The following GPR55 variants were observed in gnomAD, a reference collection of about 807,000 sequenced individuals.
GPR55 encodes the protein G protein-coupled receptor 55, also known as G-protein coupled receptor 55.
A neutral mutation model predicts 7.9 loss-of-function variants in GPR55; 6 were observed. That is an observed-to-expected ratio of 0.76 (90% CI 0.41 to 1.49). The LOEUF (loss-of-function observed/expected upper bound fraction) is 1.49, where lower values mean the gene tolerates loss of function less well. GPR55 is among the 40% of genes most tolerant of loss of function. The probability of loss-of-function intolerance (pLI) is 0.01; values close to 1 mark genes in which losing one functional copy is unlikely to be tolerated. For missense variants in GPR55, 376 were observed against 406.0 expected (o/e 0.93, Z 0.63); for synonymous variants, 183 against 166.8 (o/e 1.10, Z -0.75).
chr2:230,912,074 C>T lies in GPR55; in HGVS notation c.-134-978G>A, dbSNP rs567641738. Reference sequence around the variant, plus strand: ...CCTCTGCCCACCTCCCTGCTCCCTCCTTTCTCACCCACTCTTCCCTCTCCC... The same window carrying T: ...CCTCTGCCCACCTCCCTGCTCCCTCTTTTCTCACCCACTCTTCCCTCTCCC... On this transcript the variant is annotated intron_variant, in intron 1 of 1. Transcript: ENST00000650999. 3.9e-5 allele frequency among the ~76,000 whole-genome samples: 6 copies of T among 152,296 alleles called. No individual in the cohort carries two copies. The South Asian group carries it at 8.3e-4, about 21-fold the overall frequency.
chr2:230,916,527 GAAAA>G (rs59873953), intron 1 of GPR55, among the ~76,000 whole-genome samples: 1 of 136,484 alleles, frequency 7.3e-6, no homozygotes, highest in Non-Finnish European at 1.6e-5. Context: ...CTCTCTCTAA[GAAAA>G]AAAAAAAAGA....
intron 1 of GPR55, among the ~76,000 whole-genome samples, chr2:230,949,153 T>TTTGTTTG (rs371658183): frequency 2.0e-5 from 3 of 151,350 alleles, no homozygotes; most frequent in Non-Finnish European, 2.9e-5. Flanking sequence ...ATGGCTCTTT[T>TTTGTTTG]TTTGTTTGTT....
chr2:230,933,014 G>A (rs562737207), intron 1 of GPR55, among the ~76,000 whole-genome samples: 118 of 152,252 alleles, frequency 7.8e-4, no homozygotes, highest in African/African-American at 2.7e-3. Flanking sequence ...CTTTGGCAAC[G>A]ATGAAGGGAA....
intron 1 of GPR55, among the ~76,000 whole-genome samples, chr2:230,941,238 G>A (rs1691228560): frequency 6.6e-6 from 1 of 152,204 alleles, no homozygotes; most frequent in African/African-American, 2.4e-5. Flanking sequence ...CTCCCAGGGA[G>A]GCTGCAGGAG....
In GPR55 at chr2:230,908,259, C is replaced by T. The variant is rs1415973469; in HGVS notation, c.*1744G>A. Reference sequence around the variant, plus strand: ...GTCTGGTCTGGTCACTCCTCCACATCCACTTCCACCCCTTCATTGACGCTC... The same window carrying T: ...GTCTGGTCTGGTCACTCCTCCACATTCACTTCCACCCCTTCATTGACGCTC... On this transcript the variant is annotated 3_prime_UTR_variant, in exon 2 of 2. Transcript: ENST00000650999. The T allele has an allele frequency of 6.5e-6, 1 of 153,060 alleles. No individual in the cohort carries two copies. The highest frequency in any genetic ancestry group is 6.5e-5 in the Admixed American group (1 of 15,298). 9.5% of individuals were successfully genotyped at this position (153,060 alleles called of 1,614,324 possible). A position where few individuals can be genotyped will look rare whatever the true frequency, so the allele number is the denominator to read the frequency against.
chr2:230,933,136 T>C (rs996543924), intron 1 of GPR55, among the ~76,000 whole-genome samples: 1 of 66,824 alleles, frequency 1.5e-5, no homozygotes, highest in African/African-American at 7.9e-5. Flanking sequence ...CTGTGCCCTG[T>C]CGCCTCCTGT....
At chr2:230,940,494 G>A (rs1463401731) in intron 1 of GPR55, among the ~76,000 whole-genome samples, 3 of 152,182 alleles carry the variant, frequency 2.0e-5, no homozygotes, top group African/African-American at 4.8e-5. Context: ...AGACTGAGAA[G>A]TCTGCAGGGG....
At chr2:230,952,294 A>G (rs1691416178) in intron 1 of GPR55, among the ~76,000 whole-genome samples, 1 of 152,194 alleles carries the variant, frequency 6.6e-6, no homozygotes, top group South Asian at 2.1e-4. Flanking sequence ...CTCTCTTCTT[A>G]TGCCCAAGCC....
chr2:230,951,230 T>C (rs777764655), intron 1 of GPR55, among the ~76,000 whole-genome samples: 1 of 152,084 alleles, frequency 6.6e-6, no homozygotes. Context: ...TAAGACTATC[T>C]CCAGGTAGAC....
chr2:230,957,627 A>G, intron 1 of GPR55: 1 of 478,870 alleles, frequency 2.1e-6, no homozygotes, highest in Non-Finnish European at 4.3e-6. Flanking sequence ...GAGCCCGCGA[A>G]GGGGAAGCTC....
chr2:230,914,445 AG>A lies in GPR55; in HGVS notation c.-134-3350del, dbSNP rs1690663641. On this transcript the variant is annotated intron_variant, in intron 1 of 1. Coordinates refer to ENST00000650999, the MANE Select transcript of GPR55 (RefSeq NM_005683.4). ...AAAAAATACTGCCGGCTAATGGCAG[AG>A]TGAACAGAGAATCTGAAAAATTAAT... Among the ~76,000 whole-genome samples the A allele has an allele frequency of 2.6e-5, 4 of 152,252 alleles. No homozygotes were observed. In the South Asian group the frequency reaches 8.3e-4, roughly 32 times the overall value.
At chr2:230,918,484 G>T (rs996479859) in intron 1 of GPR55, among the ~76,000 whole-genome samples, 2 of 152,056 alleles carry the variant, frequency 1.3e-5, no homozygotes, top group Non-Finnish European at 2.9e-5. Flanking sequence ...CTTAAAATAG[G>T]CTCTAGCTTA....
chr2:230,944,953 C>G lies in GPR55; in HGVS notation c.-135+15822G>C, dbSNP rs1433377128. On this transcript the variant is annotated intron_variant, in intron 1 of 1. Coordinates refer to the GPR55 transcript ENST00000392039. The surrounding 1 kb of genome is among the most constrained non-coding windows in gnomAD (Gnocchi z 4.2). ...ATGCTGTCCCAGCCACCCACACTCG[C>G]TGCCGGGGGAAGAACCAGGTAAGGT... 6.6e-6 allele frequency among the ~76,000 whole-genome samples: 1 copy of G among 152,226 alleles called. No individual in the cohort carries two copies. The highest frequency in any genetic ancestry group is 1.9e-4 in the East Asian group (1 of 5,194).
rs1438470624 is a variant in GPR55 at position 230,924,279 on chromosome 2, C to T, written c.-135+889G>A. On this transcript the variant is annotated intron_variant, in intron 1 of 1. Coordinates refer to ENST00000650999, the MANE Select transcript of GPR55 (RefSeq NM_005683.4). This position sits in a 1 kb window ranked among gnomAD's most constrained non-coding sequence, Gnocchi z 4.5. ...TCCCTTTACAGCTGGGACAGCCGCT[C>T]AGAACCAAAGGCAAACCTTGCCTTC... Among the ~76,000 whole-genome samples the T allele has an allele frequency of 6.6e-6, 1 of 152,228 alleles. No homozygotes were observed. The highest frequency in any genetic ancestry group is 1.5e-5 in the Non-Finnish European group (1 of 68,038).
upstream of GPR55, chr2:230,925,295 AG>A (rs1690924056): frequency 6.6e-6 from 1 of 152,616 alleles, no homozygotes; most frequent in Non-Finnish European, 1.5e-5. Flanking sequence ...AGTGAAATAA[AG>A]GGGTGGGACC....
chr2:230,925,001 C>T (rs1259338259), intron 1 of GPR55, among the ~76,000 whole-genome samples, 167 bp downstream of exon 1: 2 of 152,136 alleles, frequency 1.3e-5, no homozygotes, highest in African/African-American at 2.4e-5. Context: ...TGGAGGCTGC[C>T]GCTGCCCTGA....
In GPR55 at chr2:230,923,779, G is replaced by A. The variant is rs1023324085; in HGVS notation, c.-135+1389C>T. 6.6e-6 allele frequency among the ~76,000 whole-genome samples: 1 copy of A among 152,106 alleles called. No homozygotes were observed. Among genetic ancestry groups the A allele is most frequent in the South Asian group, 2.1e-4 (1 of 4,824 alleles). ...TAGAGATGTTAAAGATTCTACCCAAGGTCAAAAAGGCCGTGAGGGACCAGC... is the reference window on the plus strand; with the variant it reads ...TAGAGATGTTAAAGATTCTACCCAAAGTCAAAAAGGCCGTGAGGGACCAGC... On this transcript the variant is annotated intron_variant, in intron 1 of 1. Coordinates refer to ENST00000650999, the MANE Select transcript of GPR55 (RefSeq NM_005683.4). The surrounding 1 kb of genome is among the most constrained non-coding windows in gnomAD (Gnocchi z 4.1).
At chr2:230,950,727 T>C (rs933568327) in intron 1 of GPR55, among the ~76,000 whole-genome samples, 1 of 152,154 alleles carries the variant, frequency 6.6e-6, no homozygotes, top group Admixed American at 6.5e-5. Flanking sequence ...GTTATGACAG[T>C]GGCTGTGTTA....
Position 230,941,282 on chromosome 2 carries a change from G to A in GPR55, c.-135+19493C>T, listed in dbSNP as rs140806326. ...TGACCTGGCTGGCTGCTGGTGGCCAGCGCAGCTGCCCTCTGAGTGCCCAGA... is the reference window on the plus strand; with the variant it reads ...TGACCTGGCTGGCTGCTGGTGGCCAACGCAGCTGCCCTCTGAGTGCCCAGA... On this transcript the variant is annotated intron_variant, in intron 1 of 1. Coordinates refer to the GPR55 transcript ENST00000392039. Among the ~76,000 whole-genome samples, 723 of 152,226 alleles carry A rather than the reference G, an allele frequency of 4.7e-3. 1 individual carries two copies. Among genetic ancestry groups the A allele is most frequent in the Non-Finnish European group, 7.5e-3 (510 of 68,012 alleles).
Sources: gnomAD v4.1 joint callset for allele counts (sites outside exome capture counted in the v4.1 genomes callset) on GRCh38, gnomAD v4.1.1 for gene constraint, Gnocchi (gnomAD v3.1) non-coding constraint, MANE v1.5 for transcripts, NCBI Gene and HGNC (gene_info 2026-07-23, HGNC 2026-07-21) for gene names.